CRACDL: variants seen among roughly 807,000 people sequenced by gnomAD.
CRACDL encodes the protein CRACD like.
A neutral mutation model predicts 70.6 loss-of-function variants in CRACDL; 26 were observed. The observed-to-expected ratio is 0.37, with a 90% confidence interval of 0.27 to 0.51. The LOEUF (loss-of-function observed/expected upper bound fraction) is 0.51, where lower values mean the gene tolerates loss of function less well. CRACDL is among the 20% of genes least tolerant of loss of function. CRACDL has a pLI of 0.94. For synonymous variants in CRACDL, 618 were observed against 615.2 expected, an observed-to-expected ratio of 1.00 and a Z score of -0.07; for missense variants, 1,283 against 1,376.9, an observed-to-expected ratio of 0.93 and a Z score of 1.08.
intron 1 of CRACDL, among the ~76,000 whole-genome samples, chr2:98,910,849 C>T (rs1414418818): frequency 2.0e-5 from 3 of 152,174 alleles, no homozygotes; most frequent in South Asian, 2.1e-4. Flanking sequence ...CCTCCTCTTA[C>T]GGGTGACAGG....
intron 3 of CRACDL, among the ~76,000 whole-genome samples, chr2:98,834,728 TAAAAC>T (rs1705696865): frequency 6.6e-6 from 1 of 152,044 alleles, no homozygotes; most frequent in Non-Finnish European, 1.5e-5. Flanking sequence ...AAAAGAGAAA[TAAAAC>T]AATCTCTAAA....
chr2:98,845,443 C>T (rs1706219629), intron 2 of CRACDL, among the ~76,000 whole-genome samples: 1 of 152,138 alleles, frequency 6.6e-6, no homozygotes, highest in Non-Finnish European at 1.5e-5. Flanking sequence ...AATCCTCCCA[C>T]CTCGGCCTCT....
rs67398751 is a variant in CRACDL, at chr2:98,842,868, TTGTGTGTGTG to T, written c.70+3853_70+3862del. On this transcript the variant is annotated intron_variant, in intron 2 of 9. Coordinates refer to ENST00000397899, the MANE Select transcript of CRACDL (RefSeq NM_207362.3). ...GCAATTATAAATAAGTTGCTATAGT[TTGTGTGTGTG>T]TGTGTGTGTGTGTGTGTGTGTGTGT... is the stretch of plus-strand genomic sequence containing the variant. Among the ~76,000 whole-genome samples the T allele has an allele frequency of 4.0e-3, 580 of 145,066 alleles. 6 individuals are homozygous for T. The highest frequency in any genetic ancestry group is 0.014 in the African/African-American group (558 of 39,888).
chr2:98,834,058 C>T (rs887560990), intron 3 of CRACDL, among the ~76,000 whole-genome samples: 25 of 152,324 alleles, frequency 1.6e-4, no homozygotes, highest in Middle Eastern at 3.4e-3. Context: ...GAGGGAACTA[C>T]GCCAACTGAA....
At chr2:98,926,713 G>C (rs1708916639) in intron 1 of CRACDL, among the ~76,000 whole-genome samples, 1 of 152,206 alleles carries the variant, frequency 6.6e-6, no homozygotes, top group Non-Finnish European at 1.5e-5. Flanking sequence ...GTTTGAAGAG[G>C]CAAAGAGAAA....
At position 98,832,913 on chromosome 2, in the gene CRACDL, A is replaced by G. The variant is rs778180255; in HGVS notation, c.324T>C (p.Pro108=). The G allele has an allele frequency of 8.7e-6, 14 of 1,614,072 alleles. No individual in the cohort carries two copies. The Admixed American group carries it at 1.8e-4, about 21-fold the overall frequency. The change falls in exon 4 of 10, where the codon CCT becomes CCC. Residue 108 remains proline, a synonymous_variant. Coordinates refer to ENST00000397899, the MANE Select transcript of CRACDL (RefSeq NM_207362.3). ...CATTTTCTTGGGAAAACACCCGCAC[A>G]GGCCGAGTAGCGTCCTGTCCGGACT... ...IPESGQDATR[P]VRVFSQENVC... is the part of the protein sequence containing the mutation.
At chr2:98,815,107 T>C (rs1704728764) in intron 7 of CRACDL, among the ~76,000 whole-genome samples, 1 of 152,234 alleles carries the variant, frequency 6.6e-6, no homozygotes, top group South Asian at 2.1e-4. Context: ...TTTTACTTCT[T>C]AGAATGTGGC....
At position 98,822,353 on chromosome 2, in the gene CRACDL, C is replaced by G. The variant is rs1318732175; in HGVS notation, c.1920G>C (p.Ser640=). The part of the protein sequence containing the change: ...RKLAERGPQD[S]GDRAASPAGP... ...CGGCCGGGCTGGCCGCCCTGTCCCC[C>G]GAGTCCTGAGGGCCGCGCTCCGCCA... Residue 640 remains serine, a synonymous_variant, in exon 7 of 10, where the codon TCG becomes TCC. Transcript: ENST00000397899. This position sits in a 1 kb window ranked among gnomAD's most constrained non-coding sequence, Gnocchi z 4.9. The G allele has an allele frequency of 1.4e-6, 2 of 1,468,024 alleles. No homozygotes were observed. The highest frequency in any genetic ancestry group is 5.1e-5 in the Admixed American group (2 of 39,384). 90.9% of individuals were successfully genotyped at this position (1,468,024 alleles called of 1,614,324 possible).
intron 1 of CRACDL, among the ~76,000 whole-genome samples, chr2:98,865,594 T>C (rs1707103209): frequency 6.6e-6 from 1 of 152,114 alleles, no homozygotes; most frequent in Non-Finnish European, 1.5e-5. Flanking sequence ...AAGTTTCACA[T>C]TACTGAAGCA....
intron 2 of CRACDL, among the ~76,000 whole-genome samples, chr2:98,844,399 C>T (rs1706160356): frequency 6.6e-6 from 1 of 152,140 alleles, no homozygotes; most frequent in Admixed American, 6.5e-5. Flanking sequence ...TTGATGCCTT[C>T]ATGTGTCTGT....
At chr2:98,898,769 C>G (rs967340155) in intron 1 of CRACDL, among the ~76,000 whole-genome samples, 1 of 152,238 alleles carries the variant, frequency 6.6e-6, no homozygotes, top group Non-Finnish European at 1.5e-5. Context: ...ATGAGTGCAA[C>G]AGAGCCGCCG....
At chr2:98,931,267 G>A (rs1259556141) in intron 1 of CRACDL, among the ~76,000 whole-genome samples, 2 of 148,852 alleles carry the variant, frequency 1.3e-5, no homozygotes, top group African/African-American at 5.0e-5. Context: ...AGAGGTTGCA[G>A]TGAGCAGAGA....
At chr2:98,925,873 G>A (rs866334211) in intron 1 of CRACDL, among the ~76,000 whole-genome samples, 4 of 151,890 alleles carry the variant, frequency 2.6e-5, no homozygotes, top group East Asian at 1.9e-4. Context: ...ACACATGCGC[G>A]CGCACACACA....
chr2:98,909,314 C>A (rs1708488374), intron 1 of CRACDL, among the ~76,000 whole-genome samples: 1 of 152,188 alleles, frequency 6.6e-6, no homozygotes, highest in Non-Finnish European at 1.5e-5. Flanking sequence ...AAATTGCTTT[C>A]TTTATTTTGG....
intron 1 of CRACDL, among the ~76,000 whole-genome samples, chr2:98,907,420 C>G (rs1708442086): frequency 6.6e-6 from 1 of 152,196 alleles, no homozygotes; most frequent in Non-Finnish European, 1.5e-5. Context: ...TTGTTCTCTG[C>G]CGAGCCTCAA....
intron 1 of CRACDL, among the ~76,000 whole-genome samples, chr2:98,914,799 A>C (rs1175520555): frequency 2.6e-5 from 4 of 151,808 alleles, no homozygotes; most frequent in Admixed American, 6.6e-5. Context: ...GTCCACTAGC[A>C]CTCCTCCAGA....
rs1222324119 is a variant in CRACDL, at chr2:98,796,204, G to A, written c.2665C>T (p.Pro889Ser). 6.2e-7 allele frequency: 1 copy of A among 1,614,036 alleles called. No individual in the cohort carries two copies. The highest frequency in any genetic ancestry group is 8.5e-7 in the Non-Finnish European group (1 of 1,179,988). Reference protein sequence around the residue: ...SKSFLITPVKPAVDRKQGAKL... With the variant: ...SKSFLITPVKSAVDRKQGAKL... ...GCCCCCTGCTTCCGGTCCACAGCGG[G>A]CTTCACAGGGGTTATCAGGAAAGAC... Residue 889 changes from proline to serine, a missense_variant, in exon 9 of 10, where the codon CCC becomes TCC. Physicochemically the swap from Pro to Ser is moderately conservative, Grantham distance 74. This residue lies in a region of CRACDL where 921 missense variants were observed against 881.9 expected (regional missense o/e 1.04). Coordinates refer to ENST00000397899, the MANE Select transcript of CRACDL (RefSeq NM_207362.3).
chr2:98,935,546 C>T (rs933936201), intron 1 of CRACDL, among the ~76,000 whole-genome samples: 1 of 152,180 alleles, frequency 6.6e-6, no homozygotes, highest in Non-Finnish European at 1.5e-5. Flanking sequence ...CACTCCTTTC[C>T]CCTGCAACTG....
At chr2:98,888,397 T>A (rs766778136) in intron 1 of CRACDL, among the ~76,000 whole-genome samples, 1 of 152,182 alleles carries the variant, frequency 6.6e-6, no homozygotes, top group Non-Finnish European at 1.5e-5. Context: ...AATAGACATA[T>A]GTAAGAGCAA....
Sources: gnomAD v4.1 joint callset for allele counts (sites outside exome capture counted in the v4.1 genomes callset) on GRCh38, gnomAD v4.1.1 for gene constraint, gnomAD v4.1.1 regional missense constraint, Gnocchi (gnomAD v3.1) non-coding constraint, MANE v1.5 for transcripts, NCBI Gene and HGNC (gene_info 2026-07-23, HGNC 2026-07-21) for gene names.